LHFPL6: variants seen among roughly 807,000 people sequenced by gnomAD.
LHFPL6 encodes LHFPL tetraspan subfamily member 6 protein.
Under a neutral mutation model 20.6 loss-of-function variants are expected in LHFPL6, and 9 were observed. The ratio of observed to expected loss-of-function variants is 0.44; its 90% CI spans 0.26 to 0.76. LHFPL6 has a LOEUF of 0.76. Among genes scored for constraint, LHFPL6 ranks in the 30% least tolerant of loss-of-function variants. LHFPL6 has a pLI of 0.20. For missense variants in LHFPL6, 218 were observed against 253.5 expected (o/e 0.86, Z 0.95); for synonymous variants, 105 against 98.7 (o/e 1.06, Z -0.38).
rs889056135 is a variant in LHFPL6, at chr13:39,601,410, C to T, written c.-174-20G>A. On this transcript the variant is annotated intron_variant, in intron 1 of 3. Coordinates refer to ENST00000379589, the MANE Select transcript of LHFPL6 (RefSeq NM_005780.3). Reference sequence around the variant, plus strand: ...TGGTCCCTGGTAAAACAACAGGAAACATTAAAAATTAAAGGCATTAAAAGA... The same window carrying T: ...TGGTCCCTGGTAAAACAACAGGAAATATTAAAAATTAAAGGCATTAAAAGA... The T allele has an allele frequency of 3.0e-5, 15 of 493,658 alleles. No homozygotes were observed. Among genetic ancestry groups the T allele is most frequent in the African/African-American group, 2.5e-4 (13 of 52,948 alleles). 30.6% of individuals were successfully genotyped at this position (493,658 alleles called of 1,614,324 possible). A position where few individuals can be genotyped will look rare whatever the true frequency, so the allele number is the denominator to read the frequency against.
rs530293035 is a variant in LHFPL6, at chr13:39,368,883, T to C, written c.484+9545A>G. ...TGTCCACAGGTCTCAGGAATGACTA[T>C]TTGACAACAGAGCCACTAATGATAA... On this transcript the variant is annotated intron_variant, in intron 3 of 3. Transcript: ENST00000379589. Among the ~76,000 whole-genome samples, 5 of 152,314 alleles carry C rather than the reference T, an allele frequency of 3.3e-5. No individual in the cohort carries two copies. In the South Asian group the frequency reaches 1.0e-3, roughly 32 times the overall value.
At chr13:39,402,458 G>A (rs1356849606) in intron 2 of LHFPL6, among the ~76,000 whole-genome samples, 1 of 152,144 alleles carries the variant, frequency 6.6e-6, no homozygotes, top group African/African-American at 2.4e-5. Flanking sequence ...TTGAACTCCT[G>A]GCCTGAAGTG....
At chr13:39,394,440 C>A (rs1355620312) in intron 2 of LHFPL6, among the ~76,000 whole-genome samples, 1 of 152,130 alleles carries the variant, frequency 6.6e-6, no homozygotes. Flanking sequence ...TGGTTGAATC[C>A]TCAAATGTAA....
intron 2 of LHFPL6, among the ~76,000 whole-genome samples, chr13:39,563,091 A>AACACACACACACACACACAC (rs60324329): frequency 7.4e-6 from 1 of 135,772 alleles, no homozygotes; most frequent in Non-Finnish European, 1.6e-5. Context: ...CAATACTAGA[A>AACACACACACACACACACAC]ACACACACAC....
intron 2 of LHFPL6, among the ~76,000 whole-genome samples, chr13:39,477,428 A>G (rs999148360): frequency 2.0e-5 from 3 of 152,194 alleles, no homozygotes; most frequent in Non-Finnish European, 4.4e-5. Flanking sequence ...ATAGAATATC[A>G]TGCTAAGCAC....
chr13:39,501,159 C>G (rs1869281444), intron 2 of LHFPL6, among the ~76,000 whole-genome samples: 1 of 152,138 alleles, frequency 6.6e-6, no homozygotes, highest in Non-Finnish European at 1.5e-5. Flanking sequence ...TTCTGTTATT[C>G]CCGGTGTTGT....
chr13:39,406,422 T>C (rs1381220359), intron 2 of LHFPL6, among the ~76,000 whole-genome samples: 1 of 152,238 alleles, frequency 6.6e-6, no homozygotes, highest in Non-Finnish European at 1.5e-5. Flanking sequence ...TCTGGTCTCA[T>C]GTATTTAATC....
At chr13:39,553,792 C>A (rs1278438178) in intron 2 of LHFPL6, among the ~76,000 whole-genome samples, 3 of 152,202 alleles carry the variant, frequency 2.0e-5, no homozygotes, top group Admixed American at 2.0e-4. Flanking sequence ...CTTTACCTAG[C>A]CTGCTGGATG....
At chr13:39,350,987 A>G (rs376885623) in intron 3 of LHFPL6, among the ~76,000 whole-genome samples, 67 of 152,336 alleles carry the variant, frequency 4.4e-4, no homozygotes, top group African/African-American at 1.6e-3. Context: ...ATGGAATTCC[A>G]GTGATCGTTT....
intron 2 of LHFPL6, among the ~76,000 whole-genome samples, chr13:39,549,933 G>A (rs1871098779): frequency 2.0e-5 from 3 of 152,018 alleles, no homozygotes; most frequent in Admixed American, 2.0e-4. Context: ...GGCTACATTA[G>A]ACACAGAAAG....
intron 2 of LHFPL6, among the ~76,000 whole-genome samples, chr13:39,563,950 T>C (rs1311861355): frequency 6.6e-6 from 1 of 152,108 alleles, no homozygotes; most frequent in African/African-American, 2.4e-5. Flanking sequence ...GAATAGACAC[T>C]TGTTGTATAT....
At chr13:39,498,219 G>T (rs1323640563) in intron 2 of LHFPL6, among the ~76,000 whole-genome samples, 1 of 152,176 alleles carries the variant, frequency 6.6e-6, no homozygotes, top group Non-Finnish European at 1.5e-5. Flanking sequence ...TAAACCTCCA[G>T]AGAACAAGTG....
intron 3 of LHFPL6, among the ~76,000 whole-genome samples, chr13:39,372,476 C>A (rs560314088): frequency 2.4e-4 from 37 of 152,174 alleles, no homozygotes; most frequent in Non-Finnish European, 4.7e-4. Flanking sequence ...TGTCTGAATT[C>A]TTGTTTCTCT....
chr13:39,395,998 TGTGCC>T (rs1870830943), intron 2 of LHFPL6, among the ~76,000 whole-genome samples: 1 of 152,248 alleles, frequency 6.6e-6, no homozygotes, highest in Non-Finnish European at 1.5e-5. Flanking sequence ...TCACAATTTG[TGTGCC>T]TTAAAGCTGC....
intron 2 of LHFPL6, among the ~76,000 whole-genome samples, chr13:39,518,154 C>T (rs1869989429): frequency 6.7e-6 from 1 of 150,136 alleles, no homozygotes; most frequent in Non-Finnish European, 1.5e-5. Flanking sequence ...AATAGCGACG[C>T]TCAAAGACCT....
chr13:39,568,277 G>GA (rs36041811), intron 2 of LHFPL6, among the ~76,000 whole-genome samples: 73,631 of 148,120 alleles, frequency 0.5, 18,951 homozygotes, highest in African/African-American at 0.67. Flanking sequence ...GAAATATCCA[G>GA]AAAAAAAAAA....
intron 2 of LHFPL6, among the ~76,000 whole-genome samples, chr13:39,469,711 C>T (rs192370472): frequency 1.6e-4 from 24 of 152,296 alleles, no homozygotes; most frequent in Admixed American, 1.2e-3. Flanking sequence ...ACCAAGTAAG[C>T]TACATAGAGC....
intron 2 of LHFPL6, among the ~76,000 whole-genome samples, chr13:39,462,749 G>A (rs750245197): frequency 2.4e-4 from 37 of 152,168 alleles, no homozygotes; most frequent in Admixed American, 1.6e-3. Flanking sequence ...TCAAGTCTGC[G>A]TGATTCCAAG....
intron 2 of LHFPL6, among the ~76,000 whole-genome samples, chr13:39,456,133 G>C (rs1872563397): frequency 6.6e-6 from 1 of 152,178 alleles, no homozygotes; most frequent in African/African-American, 2.4e-5. Context: ...CTCACATCTA[G>C]ACAAGTGTCA....
Sources: allele counts gnomAD v4.1 joint callset (sites outside exome capture counted in the v4.1 genomes callset), GRCh38; gene constraint gnomAD v4.1.1; transcripts MANE v1.5; gene names NCBI Gene and HGNC (gene_info 2026-07-23, HGNC 2026-07-21).